Variants in KHDRBS2 observed in about 807,000 individuals in gnomAD.
KHDRBS2 encodes the protein KH RNA binding domain containing, signal transduction associated 2.
Under a neutral mutation model 44.3 loss-of-function variants are expected in KHDRBS2, and 26 were observed. That is an observed-to-expected ratio of 0.59 (90% CI 0.43 to 0.81). KHDRBS2 has a LOEUF of 0.81. Among genes scored for constraint, KHDRBS2 ranks in the 40% least tolerant of loss-of-function variants. KHDRBS2 has a pLI of 0.00. For synonymous variants in KHDRBS2, 194 were observed against 151.1 expected, an observed-to-expected ratio of 1.28 and a Z score of -2.08; for missense variants, 476 against 433.1, an observed-to-expected ratio of 1.10 and a Z score of -0.88.
intron 4 of KHDRBS2, among the ~76,000 whole-genome samples, chr6:61,961,667 A>G (rs1583814249): frequency 6.6e-6 from 1 of 152,200 alleles, no homozygotes; most frequent in South Asian, 2.1e-4. Context: ...CAAAGACCCT[A>G]AGGAGAGAGC....
chr6:62,003,676 T>A (rs1168028474), intron 3 of KHDRBS2, among the ~76,000 whole-genome samples: 1 of 152,104 alleles, frequency 6.6e-6, no homozygotes, highest in Admixed American at 6.6e-5. Flanking sequence ...CTAATAGACA[T>A]CTACAGAACT....
chr6:61,926,888 G>GTTT (rs139821784), intron 4 of KHDRBS2, among the ~76,000 whole-genome samples: 1,530 of 148,430 alleles, frequency 0.01, 27 homozygotes, highest in African/African-American at 0.036. Flanking sequence ...TCTTAGTTAG[G>GTTT]TTTTTTTTTT....
chr6:61,916,669 A>T (rs1583493422), intron 4 of KHDRBS2, among the ~76,000 whole-genome samples: 1 of 151,938 alleles, frequency 6.6e-6, no homozygotes, highest in East Asian at 1.9e-4. Flanking sequence ...TATACAAAAA[A>T]CTCATTACAA....
intron 4 of KHDRBS2, among the ~76,000 whole-genome samples, chr6:61,967,600 T>C (rs1304701168): frequency 1.3e-5 from 2 of 151,728 alleles, no homozygotes; most frequent in East Asian, 3.9e-4. Flanking sequence ...CAGGAGTGAG[T>C]AGAAGCTCTG....
At chr6:61,636,820 G>C in the KHDRBS2 span, among the ~76,000 whole-genome samples, 2 of 151,956 alleles carry the variant, frequency 1.3e-5, no homozygotes, top group Non-Finnish European at 2.9e-5. Context: ...ATCTGTAGTA[G>C]AATACAAGCC....
chr6:61,644,691 C>G, the KHDRBS2 span, among the ~76,000 whole-genome samples: 2 of 152,170 alleles, frequency 1.3e-5, no homozygotes, highest in East Asian at 3.9e-4. Context: ...ATGTGGCCAA[C>G]AAGCATATGA....
chr6:61,675,809 T>G (rs1765897974), downstream of KHDRBS2, among the ~76,000 whole-genome samples: 1 of 151,866 alleles, frequency 6.6e-6, no homozygotes, highest in African/African-American at 2.4e-5. Context: ...ATTTGTTTAT[T>G]TAATTTGATT....
intron 1 of KHDRBS2, among the ~76,000 whole-genome samples, chr6:62,181,484 C>A (rs991920727): frequency 6.6e-6 from 1 of 151,728 alleles, no homozygotes; most frequent in African/African-American, 2.4e-5. Flanking sequence ...CAAATCAAAG[C>A]AACAATGAAT....
At chr6:61,851,261 GTA>G (rs57410083) in intron 6 of KHDRBS2, among the ~76,000 whole-genome samples, 86,777 of 151,350 alleles carry the variant, frequency 0.57, 25,041 homozygotes, top group South Asian at 0.68. Context: ...GTATATAGGT[GTA>G]TATATATATG....
chr6:61,671,604 T>G, the KHDRBS2 span, among the ~76,000 whole-genome samples: 1 of 151,828 alleles, frequency 6.6e-6, no homozygotes, highest in African/African-American at 2.4e-5. Flanking sequence ...TAATGATGGA[T>G]TTGGAAAACT....
chr6:61,746,120 T>C (rs1776823607), intron 6 of KHDRBS2, among the ~76,000 whole-genome samples: 2 of 152,098 alleles, frequency 1.3e-5, no homozygotes, highest in South Asian at 4.1e-4. Context: ...AATGTGAAGG[T>C]TTGTTACATT....
At chr6:62,182,966 C>G (rs1487606520) in intron 1 of KHDRBS2, among the ~76,000 whole-genome samples, 2 of 151,690 alleles carry the variant, frequency 1.3e-5, no homozygotes, top group African/African-American at 2.4e-5. Context: ...ACTTTCTTAA[C>G]CCATGTGATT....
chr6:62,256,790 G>T (rs1837457910), intron 1 of KHDRBS2, among the ~76,000 whole-genome samples: 1 of 152,072 alleles, frequency 6.6e-6, no homozygotes, highest in Admixed American at 6.6e-5. Context: ...ACACTGAAGA[G>T]AAACTATATG....
At chr6:61,806,684 AT>A (rs2127591328) in intron 6 of KHDRBS2, among the ~76,000 whole-genome samples, 1 of 152,122 alleles carries the variant, frequency 6.6e-6, no homozygotes, top group South Asian at 2.1e-4. Flanking sequence ...ATATTATCAC[AT>A]TTGAATTTTA....
intron 1 of KHDRBS2, 32 bp from the exon 2 acceptor site, chr6:62,177,344 A>T (rs745377919): frequency 2.5e-5 from 39 of 1,539,238 alleles, no homozygotes; most frequent in Non-Finnish European, 3.4e-5. Context: ...AAAACAAGTG[A>T]AATGAGGAAC....
intron 4 of KHDRBS2, among the ~76,000 whole-genome samples, chr6:61,907,601 G>T (rs1035851044): frequency 6.6e-6 from 1 of 152,128 alleles, no homozygotes; most frequent in African/African-American, 2.4e-5. Flanking sequence ...AGAGACAGGA[G>T]TCCAGATTCA....
the KHDRBS2 span, among the ~76,000 whole-genome samples, chr6:61,616,342 A>T: frequency 1.3e-5 from 2 of 152,068 alleles, no homozygotes; most frequent in Non-Finnish European, 2.9e-5. Context: ...GTCCTCAATG[A>T]CTATATGTGT....
chr6:61,946,755 T>C (rs1813442886), intron 4 of KHDRBS2, among the ~76,000 whole-genome samples: 4 of 152,078 alleles, frequency 2.6e-5, no homozygotes, highest in African/African-American at 9.7e-5. Context: ...TGGAAGTTAG[T>C]CCTAAGGAGA....
chr6:61,692,110 A>T (rs1561975601), intron 8 of KHDRBS2, among the ~76,000 whole-genome samples: 1 of 152,118 alleles, frequency 6.6e-6, no homozygotes, highest in Non-Finnish European at 1.5e-5. Context: ...AGTATTTCTT[A>T]TGTGAAGCAG....
Sources: gnomAD v4.1 joint callset for allele counts (sites outside exome capture counted in the v4.1 genomes callset) on GRCh38, gnomAD v4.1.1 for gene constraint, MANE v1.5 for transcripts, NCBI Gene and HGNC (gene_info 2026-07-23, HGNC 2026-07-21) for gene names.